RHOBTB1: variants seen among roughly 807,000 people sequenced by gnomAD.
The protein encoded by RHOBTB1 is Rho related BTB domain containing 1.
A neutral mutation model predicts 71.6 loss-of-function variants in RHOBTB1; 40 were observed. The ratio of observed to expected loss-of-function variants is 0.56; its 90% CI spans 0.43 to 0.73. The LOEUF is 0.73. Ranked by LOEUF, RHOBTB1 falls within the 30% of genes least tolerant of loss-of-function variation. The pLI is 0.00. For missense variants in RHOBTB1, 797 were observed against 894.0 expected, an observed-to-expected ratio of 0.89 and a Z score of 1.38; for synonymous variants, 319 against 334.9, an observed-to-expected ratio of 0.95 and a Z score of 0.52.
At chr10:60,968,411 C>G (rs1478195610) in intron 2 of RHOBTB1, among the ~76,000 whole-genome samples, 1 of 151,992 alleles carries the variant, frequency 6.6e-6, no homozygotes, top group African/African-American at 2.4e-5. Flanking sequence ...AGTATGAGCA[C>G]CAAAATAACA....
chr10:60,981,775 C>CT (rs888871849), intron 2 of RHOBTB1, among the ~76,000 whole-genome samples: 25 of 147,190 alleles, frequency 1.7e-4, no homozygotes, highest in Admixed American at 5.4e-4. Flanking sequence ...TTATAAGTTA[C>CT]TTTTTTTTTT....
chr10:60,885,108 G>T (rs770765414), intron 7 of RHOBTB1, among the ~76,000 whole-genome samples: 7 of 151,986 alleles, frequency 4.6e-5, no homozygotes, highest in Non-Finnish European at 8.8e-5. Context: ...GTGTTCTATT[G>T]CACAGTATGG....
At chr10:60,885,900 T>C (rs1336651808) in intron 7 of RHOBTB1, among the ~76,000 whole-genome samples, 1 of 151,806 alleles carries the variant, frequency 6.6e-6, no homozygotes, top group African/African-American at 2.4e-5. Context: ...AAACAATAGC[T>C]CCTCAAAACT....
chr10:60,955,752 T>G (rs2085569313), intron 2 of RHOBTB1, among the ~76,000 whole-genome samples: 1 of 152,166 alleles, frequency 6.6e-6, no homozygotes, highest in African/African-American at 2.4e-5. Flanking sequence ...AGAGTTTGAA[T>G]GCAAGGGAAA....
chr10:60,885,731 G>A (rs143979338), intron 7 of RHOBTB1, among the ~76,000 whole-genome samples: 66 of 152,258 alleles, frequency 4.3e-4, no homozygotes, highest in African/African-American at 1.5e-3. Context: ...TGAACTACTG[G>A]GAGACATGCT....
chr10:60,920,844 TG>T (rs1243013964), intron 2 of RHOBTB1, among the ~76,000 whole-genome samples: 2 of 151,708 alleles, frequency 1.3e-5, no homozygotes, highest in African/African-American at 4.8e-5. Flanking sequence ...TTGGTAAAGA[TG>T]GGGGTCTCAC....
intron 2 of RHOBTB1, among the ~76,000 whole-genome samples, chr10:60,924,654 GA>G (rs1450890176): frequency 2.6e-5 from 4 of 152,102 alleles, no homozygotes; most frequent in African/African-American, 9.7e-5. Context: ...GGACCTAACA[GA>G]CATTTACAGA....
intron 3 of RHOBTB1, 55 bp from the exon 4 acceptor site, chr10:60,911,045 A>G (rs2082940984): frequency 6.9e-7 from 1 of 1,444,164 alleles, no homozygotes; most frequent in Non-Finnish European, 9.7e-7. Context: ...GTTCCCCAGG[A>G]GAAGCGTGTT....
rs1285133329 is a variant in RHOBTB1 at position 60,871,513 on chromosome 10, C to T, written c.2060G>A (p.Cys687Tyr). The T allele has an allele frequency of 1.2e-6, 2 of 1,614,068 alleles. No individual in the cohort carries two copies. The highest frequency in any genetic ancestry group is 3.3e-5 in the Admixed American group (2 of 60,014). Residue 687 changes from cysteine (C) to tyrosine (Y), a missense_variant, in exon 11 of 11, where the codon TGC becomes TAC. By Grantham distance (194) the Cys-to-Tyr change is radical (BLOSUM62 -2). Around this residue, in one of 2 missense-constraint regions of RHOBTB1, gnomAD observed 658 missense variants for 681.5 expected, o/e 0.97. Transcript: ENST00000337910. ...CACTGCTGGAGATGAATTCCAGAAGCACCACTTTCGTCTTGAGCGATGCTT... is the reference window on the plus strand; with the variant it reads ...CACTGCTGGAGATGAATTCCAGAAGTACCACTTTCGTCTTGAGCGATGCTT... ...LNKHRSRRKWCFWNSSPAVA is the reference protein window; with the variant it reads ...LNKHRSRRKWYFWNSSPAVA
chr10:60,906,679 A>G (rs2082695240), intron 4 of RHOBTB1, among the ~76,000 whole-genome samples: 1 of 152,214 alleles, frequency 6.6e-6, no homozygotes, highest in South Asian at 2.1e-4. Flanking sequence ...CACGTAGCAC[A>G]GGCCTGGTGC....
At chr10:60,953,176 G>T (rs986123176) in intron 2 of RHOBTB1, among the ~76,000 whole-genome samples, 1 of 152,176 alleles carries the variant, frequency 6.6e-6, no homozygotes, top group African/African-American at 2.4e-5. Context: ...GACAACATGG[G>T]TAAGGTTAGC....
intron 2 of RHOBTB1, among the ~76,000 whole-genome samples, chr10:60,963,497 G>A (rs935564141): frequency 2.6e-5 from 4 of 152,058 alleles, no homozygotes; most frequent in African/African-American, 9.7e-5. Context: ...TATTTAGACA[G>A]CAACATTACA....
chr10:60,900,545 T>C (rs1363372607), intron 4 of RHOBTB1, among the ~76,000 whole-genome samples: 1 of 152,232 alleles, frequency 6.6e-6, no homozygotes, highest in Non-Finnish European at 1.5e-5. Context: ...TACTATGAGG[T>C]CATTTTCAGG....
intron 2 of RHOBTB1, among the ~76,000 whole-genome samples, chr10:60,926,012 C>T (rs2083860320): frequency 6.6e-6 from 1 of 152,120 alleles, no homozygotes; most frequent in South Asian, 2.1e-4. Flanking sequence ...GGGCAGATCA[C>T]TTGAGGTCAG....
intron 2 of RHOBTB1, among the ~76,000 whole-genome samples, chr10:60,972,049 G>C (rs1180794049): frequency 6.6e-6 from 1 of 152,192 alleles, no homozygotes; most frequent in East Asian, 1.9e-4. Flanking sequence ...ACAGATGCTG[G>C]AGAGGATGTG....
chr10:60,939,284 C>G (rs780595676), intron 2 of RHOBTB1, among the ~76,000 whole-genome samples: 1 of 152,134 alleles, frequency 6.6e-6, no homozygotes, highest in Non-Finnish European at 1.5e-5. Context: ...ACACATCCAT[C>G]ATTTTTGGCG....
chr10:60,927,983 GA>G (rs200219542), intron 2 of RHOBTB1, among the ~76,000 whole-genome samples: 1 of 150,778 alleles, frequency 6.6e-6, no homozygotes, highest in Non-Finnish European at 1.5e-5. Flanking sequence ...CAACTCAACA[GA>G]AAAAAAATCC....
intron 4 of RHOBTB1, among the ~76,000 whole-genome samples, chr10:60,897,020 T>C (rs978447173): frequency 1.3e-5 from 2 of 152,058 alleles, no homozygotes; most frequent in Non-Finnish European, 2.9e-5. Flanking sequence ...TGGCCAAAGA[T>C]AGCATGTGAA....
In RHOBTB1 at chr10:60,875,053, G is replaced by A. The variant is rs1231443220; in HGVS notation, c.1727-11C>T. The A allele has an allele frequency of 5.0e-6, 8 of 1,611,050 alleles. No individual in the cohort carries two copies. The highest frequency in any genetic ancestry group is 1.1e-5 in the South Asian group (1 of 91,006). ...GAACGGCATGCTGTTCTGGGGAAGA[G>A]AGAGGGGGCAGGAGAACATTAAACC... is the stretch of plus-strand genomic sequence containing the variant. On this transcript the variant is annotated splice_polypyrimidine_tract_variant and intron_variant, in intron 8 of 10. Coordinates refer to ENST00000337910, the MANE Select transcript of RHOBTB1 (RefSeq NM_014836.5).
Sources: allele counts gnomAD v4.1 joint callset (sites outside exome capture counted in the v4.1 genomes callset), GRCh38; gene constraint gnomAD v4.1.1; regional missense constraint gnomAD v4.1.1; transcripts MANE v1.5; gene names NCBI Gene and HGNC (gene_info 2026-07-23, HGNC 2026-07-21).